GALNTL5: variants seen among roughly 807,000 people sequenced by gnomAD.
GALNTL5 encodes inactive polypeptide N-acetylgalactosaminyltransferase-like protein 5.
In GALNTL5, 44 loss-of-function variants were observed where a neutral mutation model predicts 51.0. The observed-to-expected ratio is 0.86, with a 90% CI of 0.68 to 1.11. GALNTL5 has a LOEUF of 1.11. Among genes scored for constraint, GALNTL5 ranks in the 50% least tolerant of loss-of-function variants. The probability of loss-of-function intolerance (pLI) is 0.00; values close to 1 mark genes in which losing one functional copy is unlikely to be tolerated. For synonymous variants in GALNTL5, 192 were observed against 182.8 expected (o/e 1.05, Z -0.41); for missense variants, 528 against 531.8 (o/e 0.99, Z 0.07).
chr7:151,990,560 G>A (rs908905992), intron 5 of GALNTL5, among the ~76,000 whole-genome samples: 2 of 30,780 alleles, frequency 6.5e-5, no homozygotes, highest in African/African-American at 1.2e-4. Context: ...CAGCCTGGGC[G>A]ACAGAGCGAG....
chr7:151,978,346 C>T (rs1297280195), intron 3 of GALNTL5, among the ~76,000 whole-genome samples: 1 of 152,156 alleles, frequency 6.6e-6, no homozygotes, highest in Admixed American at 6.6e-5. Context: ...TCATCTATCA[C>T]CATCTTTTTC....
intron 8 of GALNTL5, 90 bp downstream of exon 8, chr7:152,014,883 G>A: frequency 7.9e-7 from 1 of 1,262,866 alleles, no homozygotes; most frequent in South Asian, 1.5e-5. Context: ...TCCAGATCCA[G>A]CGTTTGTTCT....
At chr7:151,986,608 G>A (rs571342326) in intron 4 of GALNTL5, among the ~76,000 whole-genome samples, 13 of 152,102 alleles carry the variant, frequency 8.5e-5, no homozygotes, top group African/African-American at 1.9e-4. Context: ...GCACTCCAAC[G>A]TTGGTAACAG....
chr7:151,980,949 G>T (rs542719934), intron 3 of GALNTL5, among the ~76,000 whole-genome samples: 7 of 151,870 alleles, frequency 4.6e-5, no homozygotes, highest in Admixed American at 6.5e-5. Flanking sequence ...GTTTCACCGT[G>T]TTAGCCAGGA....
chr7:152,007,912 T>G lies in GALNTL5; in HGVS notation c.994T>G (p.Trp332Gly), dbSNP rs1261957494. 3.1e-6 allele frequency: 5 copies of G among 1,608,422 alleles called. No individual in the cohort carries two copies. Among genetic ancestry groups the G allele is most frequent in the African/African-American group, 2.7e-5 (2 of 74,772 alleles). ...IGQYDKDMDF[W>G]GRENLELSLR... ...ACAGTATGACAAGGATATGGATTTT[T>G]GGGGAAGAGAAAATTTGGAACTTTC... The change falls in exon 7 of 9, where the codon TGG (tryptophan) becomes GGG (glycine). Residue 332 changes from tryptophan to glycine, a missense_variant. Physicochemically the swap from Trp to Gly is radical, Grantham distance 184. Coordinates refer to ENST00000392800, the MANE Select transcript of GALNTL5 (RefSeq NM_145292.4).
intron 3 of GALNTL5, among the ~76,000 whole-genome samples, chr7:151,978,388 T>C (rs1288356287): frequency 6.6e-6 from 1 of 152,164 alleles, no homozygotes; most frequent in African/African-American, 2.4e-5. Flanking sequence ...GTTGTAAGAG[T>C]GCCTGTGCCT....
chr7:151,989,129 T>C (rs1273270982), intron 5 of GALNTL5, among the ~76,000 whole-genome samples: 1 of 152,072 alleles, frequency 6.6e-6, no homozygotes, highest in Admixed American at 6.6e-5. Flanking sequence ...CTGTGTTGTA[T>C]GATATTTCAT....
At chr7:152,006,648 C>G (rs2081647199) in intron 6 of GALNTL5, among the ~76,000 whole-genome samples, 1 of 152,214 alleles carries the variant, frequency 6.6e-6, no homozygotes, top group African/African-American at 2.4e-5. Context: ...TAATTGGCTT[C>G]CCTACCCTTT....
At chr7:151,957,371 T>C (rs2080938352) in intron 1 of GALNTL5, among the ~76,000 whole-genome samples, 2 of 115,110 alleles carry the variant, frequency 1.7e-5, no homozygotes, top group South Asian at 3.2e-4. Flanking sequence ...TAGCAAGACC[T>C]CATCTCTATT....
chr7:151,977,085 TG>T (rs1276361924), intron 3 of GALNTL5, among the ~76,000 whole-genome samples: 1 of 152,210 alleles, frequency 6.6e-6, no homozygotes, highest in Non-Finnish European at 1.5e-5. Context: ...ATACAAATGA[TG>T]TCAAACAGAG....
intron 2 of GALNTL5, among the ~76,000 whole-genome samples, chr7:151,968,504 G>A (rs1424436464): frequency 6.6e-6 from 1 of 152,188 alleles, no homozygotes; most frequent in Non-Finnish European, 1.5e-5. Flanking sequence ...ACTCCAGCGT[G>A]TGACACACGA....
chr7:151,982,634 CAAA>C (rs60682039), intron 3 of GALNTL5, among the ~76,000 whole-genome samples: 2 of 127,078 alleles, frequency 1.6e-5, no homozygotes, highest in Non-Finnish European at 1.7e-5. Context: ...ATGGTGACAG[CAAA>C]AAAAAAAAAA....
intron 5 of GALNTL5, among the ~76,000 whole-genome samples, chr7:151,995,975 T>A (rs1299394502): frequency 6.6e-6 from 1 of 152,138 alleles, no homozygotes; most frequent in Non-Finnish European, 1.5e-5. Flanking sequence ...GTAGACAGCA[T>A]CATCCCACCA....
rs112346163 is a variant in GALNTL5, at chr7:152,010,783, T to A, written c.1026+2839T>A. On this transcript the variant is annotated intron_variant, in intron 7 of 8. Transcript: ENST00000392800. ...GACTCTGTCTCAAAAAAAAAAAAAA[T>A]TATTTTTGATAAATGCAATAGAAAA... Among the ~76,000 whole-genome samples, 444 of 75,500 alleles carry A rather than the reference T, an allele frequency of 5.9e-3. 1 individual carries two copies. The highest frequency in any genetic ancestry group is 0.016 in the African/African-American group (402 of 24,672). 49.5% of individuals were successfully genotyped at this position (75,500 alleles called of 152,430 possible).
Position 151,981,262 on chromosome 7 carries a change from G to A in GALNTL5, c.369-1724G>A, listed in dbSNP as rs139183499. On this transcript the variant is annotated intron_variant, in intron 3 of 8. Transcript: ENST00000392800. ...GAAGTGGAAAAAGCCCAGGTGCAGA[G>A]GAAGAATCATAATCATGTAATGCGC... Among the ~76,000 whole-genome samples, 1,049 of 152,276 alleles carry A rather than the reference G, an allele frequency of 6.9e-3. 5 individuals are homozygous for A. Among genetic ancestry groups the A allele is most frequent in the Non-Finnish European group, 0.012 (817 of 68,032 alleles).
At chr7:152,005,593 A>G (rs923068640) in intron 6 of GALNTL5, among the ~76,000 whole-genome samples, 18 of 152,116 alleles carry the variant, frequency 1.2e-4, no homozygotes, top group Non-Finnish European at 1.9e-4. Context: ...TGGATACATG[A>G]GTCCCTTATG....
chr7:151,983,759 G>A (rs188742047), intron 4 of GALNTL5, among the ~76,000 whole-genome samples: 5 of 152,308 alleles, frequency 3.3e-5, no homozygotes, highest in Admixed American at 3.3e-4. Flanking sequence ...TGATCTAGGT[G>A]GAGAGGAAGG....
intron 2 of GALNTL5, 113 bp from the exon 3 acceptor site, chr7:151,970,832 G>C: frequency 1.2e-6 from 1 of 860,876 alleles, no homozygotes; most frequent in Non-Finnish European, 1.8e-6. Flanking sequence ...ATCGATTTCC[G>C]AATTCTATTC....
In GALNTL5 at chr7:151,989,993, G is replaced by C. The variant is rs200573913; in HGVS notation, c.658+2712G>C. Among the ~76,000 whole-genome samples the C allele has an allele frequency of 4.6e-5, 7 of 152,226 alleles. No homozygotes were observed. In the East Asian group the frequency reaches 1.4e-3, roughly 29 times the overall value. ...ACTGAGAATATCGGTCCTCAGGCTAGAGCCTATCTTTTCTTCTCCTCTGGG... is the reference window on the plus strand; with the variant it reads ...ACTGAGAATATCGGTCCTCAGGCTACAGCCTATCTTTTCTTCTCCTCTGGG... On this transcript the variant is annotated intron_variant, in intron 5 of 8. Transcript: ENST00000392800.
Sources: gnomAD v4.1 joint callset for allele counts (sites outside exome capture counted in the v4.1 genomes callset) on GRCh38, gnomAD v4.1.1 for gene constraint, MANE v1.5 for transcripts, NCBI Gene and HGNC (gene_info 2026-07-23, HGNC 2026-07-21) for gene names.